The following DNAH5 variants were observed in gnomAD, a reference collection of about 807,000 sequenced individuals.
DNAH5 encodes dynein axonemal heavy chain 5.
A neutral mutation model predicts 518.2 loss-of-function variants in DNAH5; 372 were observed. The observed-to-expected ratio is 0.72, with a 90% CI of 0.66 to 0.78. The LOEUF (loss-of-function observed/expected upper bound fraction) is 0.78. Among genes scored for constraint, DNAH5 ranks in the 30% least tolerant of loss-of-function variants. DNAH5 has a pLI of 0.00. For missense variants in DNAH5, 5,523 were observed against 5,687.0 expected (o/e 0.97, Z 0.93); for synonymous variants, 2,039 against 2,025.9 (o/e 1.01, Z -0.17).
At chr5:13,741,661 A>G (rs138192258) in intron 65 of DNAH5, among the ~76,000 whole-genome samples, 170 of 152,326 alleles carry the variant, frequency 1.1e-3, no homozygotes, top group African/African-American at 3.9e-3. Flanking sequence ...AACAATTTTT[A>G]TTGCCATATT....
At chr5:13,893,535 G>T (rs1017744548) in intron 16 of DNAH5, among the ~76,000 whole-genome samples, 1 of 151,970 alleles carries the variant, frequency 6.6e-6, no homozygotes, top group Admixed American at 6.6e-5. Context: ...ACACCATTTT[G>T]TATCCCATCA....
At chr5:13,928,370 C>G (rs909099153) in intron 2 of DNAH5, among the ~76,000 whole-genome samples, 192 bp from the exon 3 acceptor site, 2 of 152,206 alleles carry the variant, frequency 1.3e-5, no homozygotes, top group African/African-American at 2.4e-5. Context: ...AGTAAAGACT[C>G]TGTTCAAAAA....
At chr5:13,696,200 C>G (rs1741368875) in intron 78 of DNAH5, among the ~76,000 whole-genome samples, 1 of 152,214 alleles carries the variant, frequency 6.6e-6, no homozygotes, top group African/African-American at 2.4e-5. Flanking sequence ...TGCCTCGTCC[C>G]TCGCAAATGT....
chr5:13,781,481 T>C (rs773866868), intron 52 of DNAH5, among the ~76,000 whole-genome samples: 1 of 152,162 alleles, frequency 6.6e-6, no homozygotes, highest in Non-Finnish European at 1.5e-5. Flanking sequence ...TCAAATCTGA[T>C]CTTGAATTGT....
In DNAH5 at chr5:13,830,022, T is replaced by A. The variant is rs1554067648; in HGVS notation, c.6249+4A>T. The stretch of plus-strand genomic sequence containing the variant: ...ATTCAGTAGCTTTTCTAGCAGCTCC[T>A]TACCATGGTTAAGAAAAGCCCAAAT... On this transcript the variant is annotated splice_donor_region_variant and intron_variant, in intron 37 of 78. Coordinates refer to ENST00000265104, the MANE Select transcript of DNAH5 (RefSeq NM_001369.3). The A allele has an allele frequency of 6.2e-7, 1 of 1,612,918 alleles. No individual in the cohort carries two copies. The highest frequency in any genetic ancestry group is 8.5e-7 in the Non-Finnish European group (1 of 1,179,264).
rs1763565713 is a variant in DNAH5, at chr5:13,830,773, C to T, written c.5885G>A (p.Cys1962Tyr). The change falls in exon 36 of 79, where the codon TGT becomes TAT. Residue 1962 changes from cysteine to tyrosine, a missense_variant and splice_region_variant. Coordinates refer to ENST00000265104, the MANE Select transcript of DNAH5 (RefSeq NM_001369.3). Reference sequence around the variant, plus strand: ...CAGAGCTTGAGCCAGCGTGATGTAACATCTGCATGGGTAGAAACATCACTA... The same window carrying T: ...CAGAGCTTGAGCCAGCGTGATGTAATATCTGCATGGGTAGAAACATCACTA... ...RLVITPLTDR[C>Y]YITLAQALGM... 2 of 1,613,994 alleles carry T rather than the reference C, an allele frequency of 1.2e-6. No individual in the cohort carries two copies. Among genetic ancestry groups the T allele is most frequent in the Admixed American group, 3.3e-5 (2 of 59,998 alleles).
At chr5:13,739,243 C>T (rs1256871920) in intron 65 of DNAH5, among the ~76,000 whole-genome samples, 1 of 152,200 alleles carries the variant, frequency 6.6e-6, no homozygotes, top group African/African-American at 2.4e-5. Context: ...CCACAATCCC[C>T]AAGTGTCAAG....
At chr5:13,795,919 C>G (rs1757749665) in intron 47 of DNAH5, among the ~76,000 whole-genome samples, 1 of 152,122 alleles carries the variant, frequency 6.6e-6, no homozygotes, top group Non-Finnish European at 1.5e-5. Context: ...AAATGTAATC[C>G]AGCATATAAA....
chr5:13,867,200 T>C (rs978769450), intron 25 of DNAH5, among the ~76,000 whole-genome samples: 3 of 152,210 alleles, frequency 2.0e-5, no homozygotes, highest in African/African-American at 7.2e-5. Flanking sequence ...GAAATTATTA[T>C]GTATGAAATC....
chr5:13,900,366 GCC>G lies in DNAH5; in HGVS notation c.2097_2098del (p.Lys699AsnfsTer12). On this transcript the variant is annotated frameshift_variant, in exon 15 of 79. Coordinates refer to ENST00000265104, the MANE Select transcript of DNAH5 (RefSeq NM_001369.3). LOFTEE classifies it high-confidence loss of function. ...TACAAACAATTCCCCTGTGCCTGGAGCCTTCACCAATAATGAAGCCTCAAGAC... is the reference window on the plus strand; with the variant it reads ...TACAAACAATTCCCCTGTGCCTGGAGTTCACCAATAATGAAGCCTCAAGAC... 6.2e-7 allele frequency: 1 copy of G among 1,614,136 alleles called. No individual in the cohort carries two copies. The highest frequency in any genetic ancestry group is 8.5e-7 in the Non-Finnish European group (1 of 1,179,998).
At position 13,931,109 on chromosome 5, in the gene DNAH5, C is replaced by A; in HGVS notation, c.192+1G>T. The A allele has an allele frequency of 6.2e-7, 1 of 1,614,100 alleles. No homozygotes were observed. The highest frequency in any genetic ancestry group is 8.5e-7 in the Non-Finnish European group (1 of 1,179,966). On this transcript the variant is annotated splice_donor_variant, in intron 2 of 78. Transcript: ENST00000265104. LOFTEE classifies it high-confidence loss of function. ...TCAGTGAGAAGTGAAACGCATCCCA[C>A]CTGATTCCCTTCAAGAATGGCATCC...
chr5:13,969,882 C>A (rs1314033224), intron 1 of DNAH5, among the ~76,000 whole-genome samples: 1 of 151,878 alleles, frequency 6.6e-6, no homozygotes, highest in African/African-American at 2.4e-5. Context: ...GTCTTGACGA[C>A]CTGTAACTGG....
chr5:13,931,175 T>C lies in DNAH5; in HGVS notation c.127A>G (p.Ile43Val). ...LDARHNYLFA[I>V]VASCLDLNKT... ...TTCAGGTCCAAACAGGAAGCCACAA[T>C]TGCAAATAAGTAGTTATGCCTCGCA... is the stretch of plus-strand genomic sequence containing the variant. The change falls in exon 2 of 79, where the codon ATT becomes GTT. Residue 43 changes from isoleucine (I) to valine (V), a missense_variant. Around this residue, in one of 3 missense-constraint regions of DNAH5, gnomAD observed 5,121 missense variants for 5,223.3 expected, o/e 0.98. Coordinates refer to ENST00000265104, the MANE Select transcript of DNAH5 (RefSeq NM_001369.3). 1 of 1,614,130 alleles carries C rather than the reference T, an allele frequency of 6.2e-7. No individual in the cohort carries two copies. The highest frequency in any genetic ancestry group is 1.7e-4 in the Middle Eastern group (1 of 6,060).
chr5:13,906,515 A>T (rs1360089399), intron 12 of DNAH5, among the ~76,000 whole-genome samples: 4 of 152,214 alleles, frequency 2.6e-5, no homozygotes, highest in African/African-American at 9.7e-5. Context: ...AAAGACCCCA[A>T]ATCCAGACAG....
At chr5:13,893,049 C>A (rs1364475324) in intron 16 of DNAH5, among the ~76,000 whole-genome samples, 1 of 152,138 alleles carries the variant, frequency 6.6e-6, no homozygotes, top group Non-Finnish European at 1.5e-5. Flanking sequence ...CCCCTCCAAC[C>A]CAGTACTTCT....
intron 47 of DNAH5, among the ~76,000 whole-genome samples, chr5:13,798,630 C>T (rs527587020): frequency 2.0e-5 from 3 of 151,450 alleles, no homozygotes; most frequent in Non-Finnish European, 4.4e-5. Context: ...CAAGATATAA[C>T]CACAAAATGA....
chr5:13,983,635 T>C (rs957574960), intron 1 of DNAH5, among the ~76,000 whole-genome samples: 1 of 152,130 alleles, frequency 6.6e-6, no homozygotes, highest in Admixed American at 6.5e-5. Context: ...TCCTGGACCA[T>C]GCTTTAAAAA....
At chr5:13,856,662 T>G (rs1767678741) in intron 30 of DNAH5, among the ~76,000 whole-genome samples, 1 of 152,280 alleles carries the variant, frequency 6.6e-6, no homozygotes, top group African/African-American at 2.4e-5. Flanking sequence ...AAAAAGGTTA[T>G]CCACCACAAT....
chr5:13,913,897 T>A lies in DNAH5; in HGVS notation c.1382A>T (p.Gln461Leu). The A allele has an allele frequency of 6.2e-7, 1 of 1,613,626 alleles. No homozygotes were observed. The highest frequency in any genetic ancestry group is 8.5e-7 in the Non-Finnish European group (1 of 1,179,612). ...QKLKQNPNAKQFDFSEMYIFG... is the reference protein window; with the variant it reads ...QKLKQNPNAKLFDFSEMYIFG... ...AATATACATCTCGCTAAAATCAAAT[T>A]GTTTTGCATTTGGATTTTGTTTAAG... The change falls in exon 11 of 79, where the codon CAA becomes CTA. Residue 461 changes from glutamine to leucine, a missense_variant. Around this residue, in one of 3 missense-constraint regions of DNAH5, gnomAD observed 5,121 missense variants for 5,223.3 expected, o/e 0.98. Coordinates refer to ENST00000265104, the MANE Select transcript of DNAH5 (RefSeq NM_001369.3).
Sources: gnomAD v4.1 joint callset for allele counts (sites outside exome capture counted in the v4.1 genomes callset) on GRCh38, gnomAD v4.1.1 for gene constraint, gnomAD v4.1.1 regional missense constraint, MANE v1.5 for transcripts, NCBI Gene and HGNC (gene_info 2026-07-23, HGNC 2026-07-21) for gene names.